KLF12: variants seen among roughly 807,000 people sequenced by gnomAD.
The protein encoded by KLF12 is KLF transcription factor 12, also known as Krueppel-like factor 12.
A neutral mutation model predicts 37.8 loss-of-function variants in KLF12; 9 were observed. The ratio of observed to expected loss-of-function variants is 0.24; its 90% CI spans 0.14 to 0.42. KLF12 has a LOEUF of 0.42. KLF12 is among the 10% of genes least tolerant of loss of function. The pLI, the probability that KLF12 is intolerant of heterozygous loss-of-function variation, is 1.00. For missense variants in KLF12, 411 were observed against 516.0 expected (o/e 0.80, Z 1.97); for synonymous variants, 208 against 202.1 (o/e 1.03, Z -0.25).
At chr13:73,878,061 T>G (rs1408391098) in intron 3 of KLF12, among the ~76,000 whole-genome samples, 1 of 152,202 alleles carries the variant, frequency 6.6e-6, no homozygotes, top group African/African-American at 2.4e-5. Context: ...CTTAGTATTT[T>G]AGCTGTCATA....
chr13:74,295,077 C>T, the KLF12 span, among the ~76,000 whole-genome samples: 1 of 152,126 alleles, frequency 6.6e-6, no homozygotes, highest in East Asian at 1.9e-4. Flanking sequence ...ACTTGCTTAA[C>T]TTCAGAGAGG....
At chr13:73,809,311 GTTTT>G (rs35517935) in intron 5 of KLF12, among the ~76,000 whole-genome samples, 50,857 of 151,470 alleles carry the variant, frequency 0.34, 8,875 homozygotes, top group East Asian at 0.64. Context: ...AATGTTTGGG[GTTTT>G]TTTTGTTGTT....
chr13:74,235,895 C>G, the KLF12 span, among the ~76,000 whole-genome samples: 2 of 150,988 alleles, frequency 1.3e-5, no homozygotes, highest in South Asian at 2.1e-4. Context: ...TCTCAGGTAC[C>G]GAATTTTTAT....
the KLF12 span, among the ~76,000 whole-genome samples, chr13:74,269,654 A>G: frequency 0.023 from 3,571 of 152,292 alleles, 72 homozygotes; most frequent in Non-Finnish European, 0.038. Context: ...AAGGAGTTAT[A>G]GTTTAGGGGT....
rs1454666407 is a variant in KLF12, at chr13:74,133,623, AT to A, written c.-32+115del. 2.6e-5 allele frequency among the ~76,000 whole-genome samples: 4 copies of A among 150,982 alleles called. No homozygotes were observed. In the East Asian group the frequency reaches 7.8e-4, roughly 30 times the overall value. On this transcript the variant is annotated intron_variant, in intron 1 of 7. Transcript: ENST00000377669. ...AACCAAAATGATTTAACTTGAGCAG[AT>A]GACAGAAGGAAAATAAAACACGTTA... is the stretch of plus-strand genomic sequence containing the variant.
chr13:73,977,522 A>T (rs1327160924), intron 2 of KLF12, among the ~76,000 whole-genome samples: 2 of 152,250 alleles, frequency 1.3e-5, no homozygotes, highest in East Asian at 3.8e-4. Context: ...TCTCAGAAAA[A>T]GTTATAATGA....
chr13:73,771,012 T>C (rs777973803), intron 5 of KLF12, among the ~76,000 whole-genome samples: 2 of 152,146 alleles, frequency 1.3e-5, no homozygotes, highest in Non-Finnish European at 2.9e-5. Flanking sequence ...TAATTAATCC[T>C]GGCCCTATCT....
chr13:74,220,593 A>G, the KLF12 span, among the ~76,000 whole-genome samples: 1 of 152,238 alleles, frequency 6.6e-6, no homozygotes, highest in African/African-American at 2.4e-5. Context: ...GTTGTAAACC[A>G]TCATCAGCAT....
At chr13:74,115,427 G>T (rs533092347) in intron 1 of KLF12, among the ~76,000 whole-genome samples, 1 of 152,122 alleles carries the variant, frequency 6.6e-6, no homozygotes, top group Non-Finnish European at 1.5e-5. Context: ...CTTTTCCACC[G>T]GGCATGGTGG....
At chr13:74,039,303 C>T (rs903218831) in intron 1 of KLF12, among the ~76,000 whole-genome samples, 1 of 152,052 alleles carries the variant, frequency 6.6e-6, no homozygotes, top group Non-Finnish European at 1.5e-5. Context: ...CTTTGAGAGG[C>T]TGAAGCAGGA....
chr13:74,020,134 T>A (rs1892804321), intron 1 of KLF12, among the ~76,000 whole-genome samples: 1 of 152,256 alleles, frequency 6.6e-6, no homozygotes, highest in African/African-American at 2.4e-5. Flanking sequence ...TATCTTTTCA[T>A]GCAATATATA....
At chr13:73,923,584 A>G (rs1403996635) in intron 3 of KLF12, among the ~76,000 whole-genome samples, 3 of 152,154 alleles carry the variant, frequency 2.0e-5, no homozygotes, top group Non-Finnish European at 4.4e-5. Context: ...TAATTGTTCC[A>G]TTCCAGAAGG....
the KLF12 span, among the ~76,000 whole-genome samples, chr13:74,209,227 G>A: frequency 1.3e-5 from 2 of 151,906 alleles, no homozygotes; most frequent in South Asian, 2.1e-4. Flanking sequence ...AGTTACTCTC[G>A]GTGAAGTGCA....
At chr13:74,154,515 G>A in the KLF12 span, among the ~76,000 whole-genome samples, 2 of 152,112 alleles carry the variant, frequency 1.3e-5, no homozygotes, top group Admixed American at 1.3e-4. Flanking sequence ...AGATCACCAG[G>A]GTTTTCCCAG....
chr13:74,251,988 G>A, the KLF12 span, among the ~76,000 whole-genome samples: 1 of 152,116 alleles, frequency 6.6e-6, no homozygotes, highest in South Asian at 2.1e-4. Flanking sequence ...AACGCAGATG[G>A]CAGGTAATCA....
the KLF12 span, among the ~76,000 whole-genome samples, chr13:74,230,929 A>C: frequency 6.6e-6 from 1 of 152,122 alleles, no homozygotes; most frequent in Non-Finnish European, 1.5e-5. Flanking sequence ...CTTCAAGAAC[A>C]CTGAATATCT....
At chr13:73,965,276 A>G (rs1037550815) in intron 2 of KLF12, among the ~76,000 whole-genome samples, 1 of 152,226 alleles carries the variant, frequency 6.6e-6, no homozygotes, top group Admixed American at 6.5e-5. Flanking sequence ...TCCCATGACA[A>G]TAATACATAT....
chr13:74,205,281 C>T, the KLF12 span, among the ~76,000 whole-genome samples: 3 of 152,096 alleles, frequency 2.0e-5, no homozygotes, highest in South Asian at 4.1e-4. Flanking sequence ...CAAATGGCAA[C>T]ATTTTATAGC....
intron 6 of KLF12, among the ~76,000 whole-genome samples, chr13:73,738,386 A>T (rs897544266): frequency 6.6e-6 from 1 of 151,260 alleles, no homozygotes; most frequent in African/African-American, 2.4e-5. Flanking sequence ...TCCTGACCTC[A>T]GGTGATCCAC....
Sources: gnomAD v4.1 joint callset for allele counts (sites outside exome capture counted in the v4.1 genomes callset) on GRCh38, gnomAD v4.1.1 for gene constraint, MANE v1.5 for transcripts, NCBI Gene and HGNC (gene_info 2026-07-23, HGNC 2026-07-21) for gene names.